Variants in HSPA4L observed in about 807,000 individuals in gnomAD.
HSPA4L encodes heat shock 70 kDa protein 4L.
Under a neutral mutation model 100.3 loss-of-function variants are expected in HSPA4L, and 48 were observed. The observed-to-expected ratio is 0.48, with a 90% CI of 0.38 to 0.61. The LOEUF (loss-of-function observed/expected upper bound fraction) is 0.61. Among genes scored for constraint, HSPA4L ranks in the 20% least tolerant of loss-of-function variants. HSPA4L has a pLI of 0.00. For missense variants in HSPA4L, 886 were observed against 988.6 expected (o/e 0.90, Z 1.39); for synonymous variants, 319 against 328.2 (o/e 0.97, Z 0.30).
At chr4:127,804,148 A>G in intron 8 of HSPA4L, 61 bp downstream of exon 8, 1 of 1,236,744 alleles carries the variant, frequency 8.1e-7, no homozygotes, top group South Asian at 1.3e-5. Flanking sequence ...TAGCGGGGGT[A>G]GATAATGATA....
intron 17 of HSPA4L, among the ~76,000 whole-genome samples, chr4:127,829,748 TAAGGG>T (rs1734033390): frequency 6.6e-6 from 1 of 151,820 alleles, no homozygotes; most frequent in African/African-American, 2.4e-5. Flanking sequence ...AGTTGAGAGT[TAAGGG>T]AAGAGGTTCA....
Position 127,827,209 on chromosome 4 carries a change from T to C in HSPA4L, c.2047-96T>C, listed in dbSNP as rs1733969307. On this transcript the variant is annotated intron_variant, in intron 16 of 18. Transcript: ENST00000296464. Reference sequence around the variant, plus strand: ...GAGGGGATATATTTTTATCTGTCCATCTTTTCTTCCTATTTATCATCCTAT... The same window carrying C: ...GAGGGGATATATTTTTATCTGTCCACCTTTTCTTCCTATTTATCATCCTAT... 3.0e-6 allele frequency: 3 copies of C among 993,270 alleles called. No individual in the cohort carries two copies. In the East Asian group the frequency reaches 7.4e-5, roughly 25 times the overall value. The allele number at this position is 993,270 out of a possible 1,614,324, so 61.5% of individuals were successfully genotyped here. A position where few individuals can be genotyped will look rare whatever the true frequency, so the allele number is the denominator to read the frequency against.
At chr4:127,806,474 G>T (rs1388213739) in intron 10 of HSPA4L, among the ~76,000 whole-genome samples, 1 of 151,894 alleles carries the variant, frequency 6.6e-6, no homozygotes, top group Non-Finnish European at 1.5e-5. Context: ...TTCACTAAAA[G>T]GATACTGGTT....
intron 6 of HSPA4L, 31 bp from the exon 7 acceptor site, chr4:127,803,597 GA>G: frequency 6.9e-7 from 1 of 1,440,894 alleles, no homozygotes; most frequent in Non-Finnish European, 9.2e-7. Context: ...CTATATTTCT[GA>G]AAATACAGTT....
At chr4:127,784,070 C>G (rs1732643183) in intron 1 of HSPA4L, among the ~76,000 whole-genome samples, 1 of 152,198 alleles carries the variant, frequency 6.6e-6, no homozygotes, top group Non-Finnish European at 1.5e-5. Context: ...ACTGTGAAGT[C>G]GATGAATTCG....
chr4:127,812,493 A>G (rs1420261748), intron 12 of HSPA4L, among the ~76,000 whole-genome samples: 1 of 151,804 alleles, frequency 6.6e-6, no homozygotes. Flanking sequence ...GATACTATAG[A>G]TGAAGGAATC....
At chr4:127,783,276 G>A (rs959152841) in intron 1 of HSPA4L, among the ~76,000 whole-genome samples, 3 of 151,870 alleles carry the variant, frequency 2.0e-5, no homozygotes, top group African/African-American at 7.3e-5. Context: ...GGTTTACAGG[G>A]CCAGGTCAAT....
At chr4:127,791,101 C>CA (rs1419736507) in intron 1 of HSPA4L, among the ~76,000 whole-genome samples, 46 of 133,834 alleles carry the variant, frequency 3.4e-4, no homozygotes, top group Middle Eastern at 3.8e-3. Flanking sequence ...ACCCTGTCTC[C>CA]AAAAAAAAAA....
intron 12 of HSPA4L, among the ~76,000 whole-genome samples, 196 bp downstream of exon 12, chr4:127,811,832 CGTT>C (rs1236484663): frequency 6.6e-6 from 1 of 152,158 alleles, no homozygotes; most frequent in Non-Finnish European, 1.5e-5. Flanking sequence ...ACATCTTTCA[CGTT>C]GTCACATACT....
rs1385984701 is a variant in HSPA4L, at chr4:127,800,345, G to GT, written c.430-792dup. On this transcript the variant is annotated intron_variant, in intron 4 of 18. Coordinates refer to ENST00000296464, the MANE Select transcript of HSPA4L (RefSeq NM_014278.4). Reference sequence around the variant, plus strand: ...TAGCCAGGCATGGTGGCACACACCTGTAGTCTCAGCTACTCAGGGGGCTGA... The same window carrying GT: ...TAGCCAGGCATGGTGGCACACACCTGTTAGTCTCAGCTACTCAGGGGGCTGA... 7.9e-5 allele frequency among the ~76,000 whole-genome samples: 12 copies of GT among 152,124 alleles called. No individual in the cohort carries two copies. The South Asian group carries it at 2.5e-3, about 32-fold the overall frequency.
intron 12 of HSPA4L, among the ~76,000 whole-genome samples, chr4:127,817,867 C>CT (rs1479909260): frequency 6.6e-6 from 1 of 151,804 alleles, no homozygotes; most frequent in Non-Finnish European, 1.5e-5. Flanking sequence ...TTTTATTATA[C>CT]TTTAAGTTCT....
intron 1 of HSPA4L, among the ~76,000 whole-genome samples, chr4:127,786,187 G>T (rs17012637): frequency 2.6e-5 from 4 of 151,720 alleles, no homozygotes; most frequent in Non-Finnish European, 5.9e-5. Flanking sequence ...TTTTTTTTCC[G>T]TAAGAAGCCT....
rs373388701 is a variant in HSPA4L at position 127,801,838 on chromosome 4, C to A, written c.583C>A (p.Pro195Thr). ...GGATCTTCCCCCATTAGATGAGAAA[C>A]CAAGAAATGTAGTATTTATTGATAT... ...KQDLPPLDEK[P>T]RNVVFIDMGH... The change falls in exon 6 of 19, where the codon CCA (proline) becomes ACA (threonine). Residue 195 changes from proline (P) to threonine (T), a missense_variant. Pro to Thr is a conservative substitution (Grantham distance 38). Coordinates refer to ENST00000296464, the MANE Select transcript of HSPA4L (RefSeq NM_014278.4). 1 of 1,610,176 alleles carries A rather than the reference C, an allele frequency of 6.2e-7. No individual in the cohort carries two copies. Among genetic ancestry groups the A allele is most frequent in the East Asian group, 2.2e-5 (1 of 44,798 alleles).
intron 9 of HSPA4L, 46 bp from the exon 10 acceptor site, chr4:127,805,641 T>C (rs1560659672): frequency 7.4e-6 from 10 of 1,346,182 alleles, no homozygotes; most frequent in Non-Finnish European, 1.1e-5. Context: ...ACCTAGGGTA[T>C]GTTTTGTATT....
intron 12 of HSPA4L, chr4:127,813,441 TGAGGAA>T (rs1325508390): frequency 1.3e-5 from 5 of 379,510 alleles, no homozygotes; most frequent in Non-Finnish European, 1.9e-5. Flanking sequence ...TTATTTGAAT[TGAGGAA>T]GAGGAAATGT....
chr4:127,797,297 A>G (rs993361412), intron 3 of HSPA4L, among the ~76,000 whole-genome samples: 1 of 152,152 alleles, frequency 6.6e-6, no homozygotes, highest in Non-Finnish European at 1.5e-5. Context: ...GTTTTATTCT[A>G]CTCCAGTTTA....
At position 127,832,325 on chromosome 4, in the gene HSPA4L, A is replaced by C. The variant is rs148138621; in HGVS notation, c.2329-358A>C. Among the ~76,000 whole-genome samples the C allele has an allele frequency of 3.5e-4, 54 of 152,314 alleles. No homozygotes were observed. In the East Asian group the frequency reaches 5.2e-3, roughly 15 times the overall value. ...AATGTTGAAAATTTTCAGTTTATGA[A>C]ATAGGTGTTATTTGATGTAATTCTC... On this transcript the variant is annotated intron_variant, in intron 18 of 18. Transcript: ENST00000296464.
chr4:127,799,085 CT>C, intron 4 of HSPA4L, among the ~76,000 whole-genome samples: 1 of 152,254 alleles, frequency 6.6e-6, no homozygotes, highest in South Asian at 2.1e-4. Context: ...AAAAAAAGAT[CT>C]TTAAGGATTC....
At chr4:127,823,035 T>A in intron 15 of HSPA4L, 141 bp downstream of exon 15, 1 of 719,552 alleles carries the variant, frequency 1.4e-6, no homozygotes, top group Non-Finnish European at 2.1e-6. Context: ...TTCTTATTTT[T>A]ACAAGTTGCA....
Sources: allele counts gnomAD v4.1 joint callset (sites outside exome capture counted in the v4.1 genomes callset), GRCh38; gene constraint gnomAD v4.1.1; transcripts MANE v1.5; gene names NCBI Gene and HGNC (gene_info 2026-07-23, HGNC 2026-07-21).